Variants in PDE1C observed in about 807,000 individuals in gnomAD.
PDE1C encodes dual specificity calcium/calmodulin-dependent 3',5'-cyclic nucleotide phosphodiesterase 1C.
PDE1C carries 62 observed loss-of-function variants against 93.1 expected under a neutral mutation model. That is an observed-to-expected ratio of 0.67 (90% CI 0.54 to 0.82). The LOEUF is 0.82. Among genes scored for constraint, PDE1C ranks in the 40% least tolerant of loss-of-function variants. The pLI is 0.00. For synonymous variants in PDE1C, 325 were observed against 310.1 expected (o/e 1.05, Z -0.50); for missense variants, 742 against 884.6 (o/e 0.84, Z 2.04).
At chr7:32,297,613 G>A (rs1387525496) in intron 1 of PDE1C, among the ~76,000 whole-genome samples, 2 of 152,124 alleles carry the variant, frequency 1.3e-5, no homozygotes, top group African/African-American at 2.4e-5. Context: ...CTCTTCAAAT[G>A]CTAGGCCTCC....
At chr7:31,620,203 C>T in the PDE1C span, among the ~76,000 whole-genome samples, 3 of 152,130 alleles carry the variant, frequency 2.0e-5, no homozygotes, top group Admixed American at 6.5e-5. Context: ...AAAAAGACAG[C>T]AGTAACCTCT....
the PDE1C span, among the ~76,000 whole-genome samples, chr7:31,728,782 T>A: frequency 6.6e-6 from 1 of 152,226 alleles, no homozygotes; most frequent in South Asian, 2.1e-4. Flanking sequence ...GCCAGGGAAG[T>A]CTTAGAGGAA....
intron 16 of PDE1C, among the ~76,000 whole-genome samples, chr7:31,808,538 A>G (rs560524364): frequency 6.6e-6 from 1 of 152,126 alleles, no homozygotes; most frequent in Non-Finnish European, 1.5e-5. Context: ...TTTTACAACC[A>G]TATATGCTGC....
At chr7:31,693,031 AT>A in the PDE1C span, among the ~76,000 whole-genome samples, 20,105 of 152,140 alleles carry the variant, frequency 0.13, 1,550 homozygotes, top group East Asian at 0.36. Context: ...TACCAGAAAC[AT>A]TTCTGCCGCT....
chr7:31,972,804 C>A (rs1300963950), intron 2 of PDE1C, among the ~76,000 whole-genome samples: 2 of 152,108 alleles, frequency 1.3e-5, no homozygotes, highest in African/African-American at 2.4e-5. Context: ...GTAGGAGGCA[C>A]CAGGAAAGAC....
chr7:31,996,721 C>T (rs1479921959), intron 2 of PDE1C, among the ~76,000 whole-genome samples: 1 of 152,202 alleles, frequency 6.6e-6, no homozygotes, highest in Admixed American at 6.5e-5. Context: ...CATTGTAAAA[C>T]TGACATCCAA....
intron 1 of PDE1C, among the ~76,000 whole-genome samples, chr7:32,373,790 C>G (rs984918546): frequency 6.6e-5 from 10 of 152,120 alleles, no homozygotes; most frequent in African/African-American, 2.4e-4. Flanking sequence ...AAATTTGAGA[C>G]CAGCCTGGCC....
chr7:32,381,047 C>A (rs1392735201), intron 1 of PDE1C, among the ~76,000 whole-genome samples: 2 of 151,916 alleles, frequency 1.3e-5, no homozygotes, highest in Non-Finnish European at 2.9e-5. Context: ...CCTTCCTCTC[C>A]CCCAGTCTTC....
chr7:32,334,485 A>G (rs1234928992), intron 1 of PDE1C, among the ~76,000 whole-genome samples: 1 of 152,128 alleles, frequency 6.6e-6, no homozygotes, highest in Non-Finnish European at 1.5e-5. Flanking sequence ...GTTTGGTTAC[A>G]TGAGTAAGTT....
intron 11 of PDE1C, among the ~76,000 whole-genome samples, chr7:31,835,895 G>T (rs534625097): frequency 4.6e-5 from 7 of 151,954 alleles, no homozygotes; most frequent in African/African-American, 1.7e-4. Context: ...ATTCAGACTT[G>T]AAATCTAAGA....
At chr7:31,667,464 C>T in the PDE1C span, among the ~76,000 whole-genome samples, 3,352 of 152,174 alleles carry the variant, frequency 0.022, 126 homozygotes, top group African/African-American at 0.076. Flanking sequence ...AGTTTAAATA[C>T]AGTGAAACCA....
chr7:32,090,165 T>G (rs2392016), intron 3 of PDE1C, among the ~76,000 whole-genome samples: 95,525 of 151,856 alleles, frequency 0.63, 30,343 homozygotes, highest in African/African-American at 0.71. Context: ...CCAGCAGCCT[T>G]ACTGTTAATA....
At chr7:32,348,391 G>T (rs1585120229) in intron 1 of PDE1C, among the ~76,000 whole-genome samples, 1 of 138,556 alleles carries the variant, frequency 7.2e-6, no homozygotes, top group Non-Finnish European at 1.5e-5. Context: ...TTGAGATGGG[G>T]TCTCGCTCTG....
At chr7:31,746,836 G>C (rs968522550), downstream of PDE1C, among the ~76,000 whole-genome samples, 1 of 152,142 alleles carries the variant, frequency 6.6e-6, no homozygotes, top group African/African-American at 2.4e-5. Flanking sequence ...GGGAAAAAAA[G>C]CCACAAGTTG....
the PDE1C span, among the ~76,000 whole-genome samples, chr7:31,659,005 C>A: frequency 5.3e-5 from 8 of 152,220 alleles, no homozygotes; most frequent in Admixed American, 1.3e-4. Flanking sequence ...CTAGTAATTG[C>A]TTATTTGCTC....
chr7:32,412,669 T>A (rs1162711616), intron 1 of PDE1C, among the ~76,000 whole-genome samples: 2 of 149,150 alleles, frequency 1.3e-5, no homozygotes, highest in Non-Finnish European at 3.0e-5. Flanking sequence ...TCGATTAGCA[T>A]CTTCTTTGAC....
In PDE1C at chr7:31,780,259, G is replaced by A. The variant is rs528470313; in HGVS notation, c.1892-4527C>T. ...CCCAGAGATGTTTCTTTCAGTTGTC[G>A]GGAGGGAAGCCTTACTTTCTTCTGA... On this transcript the variant is annotated intron_variant, in intron 16 of 17. Coordinates refer to ENST00000396191, the MANE Select transcript of PDE1C (RefSeq NM_001191057.4). 9.3e-4 allele frequency among the ~76,000 whole-genome samples: 142 copies of A among 152,274 alleles called. 1 individual carries two copies. The highest frequency in any genetic ancestry group is 3.1e-3 in the African/African-American group (128 of 41,564).
rs1794765036 is a variant in PDE1C at position 31,760,527 on chromosome 7, A to T, written c.1961-6974T>A. The stretch of plus-strand genomic sequence containing the variant: ...TGTGACCTTTGGAACCCCACACTGC[A>T]GTGCAGCAGTATCTTCAGGTGGAGG... On this transcript the variant is annotated intron_variant, in intron 17 of 17. Transcript: ENST00000396191. Among the ~76,000 whole-genome samples, 4 of 152,172 alleles carry T rather than the reference A, an allele frequency of 2.6e-5. No homozygotes were observed. In the South Asian group the frequency reaches 6.2e-4, roughly 24 times the overall value.
chr7:31,985,972 C>A (rs1348855517), intron 2 of PDE1C, among the ~76,000 whole-genome samples: 1 of 152,108 alleles, frequency 6.6e-6, no homozygotes, highest in Admixed American at 6.5e-5. Context: ...TGGCCAACTC[C>A]CCTCACAGTT....
Sources: gnomAD v4.1 joint callset for allele counts (sites outside exome capture counted in the v4.1 genomes callset) on GRCh38, gnomAD v4.1.1 for gene constraint, MANE v1.5 for transcripts, NCBI Gene and HGNC (gene_info 2026-07-23, HGNC 2026-07-21) for gene names.